TBL1XR1: variants seen among roughly 807,000 people sequenced by gnomAD.
TBL1XR1 encodes F-box-like/WD repeat-containing protein TBL1XR1.
In TBL1XR1, 5 loss-of-function variants were observed where a neutral mutation model predicts 66.9. The ratio of observed to expected loss-of-function variants is 0.07; its 90% CI spans 0.04 to 0.16. The LOEUF (loss-of-function observed/expected upper bound fraction) is 0.16. Among genes scored for constraint, TBL1XR1 ranks in the 10% least tolerant of loss-of-function variants. The pLI, the probability that TBL1XR1 is intolerant of heterozygous loss-of-function variation, is 1.00. For missense variants in TBL1XR1, 238 were observed against 623.2 expected, an observed-to-expected ratio of 0.38 and a Z score of 6.58; for synonymous variants, 210 against 206.0, an observed-to-expected ratio of 1.02 and a Z score of -0.17.
chr3:177,154,316 G>C (rs544418216), intron 1 of TBL1XR1, among the ~76,000 whole-genome samples: 1 of 152,230 alleles, frequency 6.6e-6, no homozygotes, highest in African/African-American at 2.4e-5. Context: ...TGATAAAGTG[G>C]TTAATCCATC....
chr3:177,069,793 A>AAGGGAAGGAAGGGAAGGAAGGGAAGG (rs1553824722), intron 2 of TBL1XR1, among the ~76,000 whole-genome samples: 4 of 92,342 alleles, frequency 4.3e-5, no homozygotes, highest in African/African-American at 1.8e-4. Context: ...AAAAGGAAGG[A>AAGGGAAGGAAGGGAAGGAAGGGAAGG]AAGGAAGGAA....
At chr3:177,137,043 T>C (rs1420594442) in intron 1 of TBL1XR1, among the ~76,000 whole-genome samples, 1 of 152,150 alleles carries the variant, frequency 6.6e-6, no homozygotes, top group African/African-American at 2.4e-5. Context: ...AATATGACAA[T>C]GACTATGCAT....
chr3:177,073,831 G>A (rs1173931620), intron 2 of TBL1XR1, among the ~76,000 whole-genome samples: 2 of 152,088 alleles, frequency 1.3e-5, no homozygotes, highest in Non-Finnish European at 2.9e-5. Context: ...CCTTCTGGTG[G>A]GATTCAGCAC....
chr3:177,122,008 A>T (rs1727032156), intron 1 of TBL1XR1, among the ~76,000 whole-genome samples: 1 of 152,298 alleles, frequency 6.6e-6, no homozygotes, highest in Non-Finnish European at 1.5e-5. Flanking sequence ...ATTTAGGATG[A>T]TCCCAGCATT....
intron 3 of TBL1XR1, among the ~76,000 whole-genome samples, chr3:177,063,585 G>A (rs1004963982): frequency 1.3e-5 from 2 of 152,176 alleles, no homozygotes; most frequent in Non-Finnish European, 2.9e-5. Flanking sequence ...ACAAGTATTT[G>A]AAATTGTTAA....
intron 2 of TBL1XR1, among the ~76,000 whole-genome samples, chr3:177,097,394 ACT>A (rs1005739231): frequency 6.6e-6 from 1 of 152,170 alleles, no homozygotes; most frequent in African/African-American, 2.4e-5. Context: ...AGAGAGAATC[ACT>A]CTGACTTCCA....
At chr3:177,147,345 G>T (rs984444422) in intron 1 of TBL1XR1, among the ~76,000 whole-genome samples, 1 of 152,070 alleles carries the variant, frequency 6.6e-6, no homozygotes, top group Admixed American at 6.5e-5. Flanking sequence ...CACGATGCCC[G>T]ACCAAGTAAA....
At chr3:177,043,464 T>C (rs900649360) in intron 10 of TBL1XR1, among the ~76,000 whole-genome samples, 5 of 152,202 alleles carry the variant, frequency 3.3e-5, no homozygotes, top group Non-Finnish European at 7.4e-5. Flanking sequence ...TATATTAATG[T>C]AGCCATTTCA....
At chr3:177,138,107 T>C (rs1216178596) in intron 1 of TBL1XR1, among the ~76,000 whole-genome samples, 1 of 152,202 alleles carries the variant, frequency 6.6e-6, no homozygotes, top group Non-Finnish European at 1.5e-5. Flanking sequence ...GAAAGGCTTT[T>C]CAAGGCCACA....
intron 1 of TBL1XR1, among the ~76,000 whole-genome samples, chr3:177,111,887 G>A (rs565219564): frequency 3.2e-4 from 48 of 150,938 alleles, no homozygotes; most frequent in African/African-American, 1.1e-3. Flanking sequence ...CTGCCTGTAG[G>A]GTGCCAGTGG....
At chr3:177,031,222 A>T (rs374708347) in intron 14 of TBL1XR1, among the ~76,000 whole-genome samples, 228 of 152,312 alleles carry the variant, frequency 1.5e-3, no homozygotes, top group African/African-American at 5.4e-3. Flanking sequence ...TAAGGCATAT[A>T]TATCATAGTT....
chr3:177,184,965 A>C (rs1335288210), intron 1 of TBL1XR1, among the ~76,000 whole-genome samples: 1 of 152,228 alleles, frequency 6.6e-6, no homozygotes, highest in African/African-American at 2.4e-5. Flanking sequence ...TTAAGAACTG[A>C]CTGAAAAGCA....
intron 1 of TBL1XR1, among the ~76,000 whole-genome samples, chr3:177,177,086 CCAAT>C (rs1277964328): frequency 6.6e-6 from 1 of 152,274 alleles, no homozygotes; most frequent in East Asian, 1.9e-4. Flanking sequence ...AATGCTCTTC[CCAAT>C]CAATCAGTCC....
At chr3:177,105,262 G>A (rs1162358976) in intron 1 of TBL1XR1, among the ~76,000 whole-genome samples, 1 of 152,182 alleles carries the variant, frequency 6.6e-6, no homozygotes, top group Non-Finnish European at 1.5e-5. Flanking sequence ...AAATACGACA[G>A]ATATGACACT....
intron 1 of TBL1XR1, among the ~76,000 whole-genome samples, chr3:177,149,720 G>A (rs1312817539): frequency 6.6e-6 from 1 of 152,074 alleles, no homozygotes; most frequent in African/African-American, 2.4e-5. Flanking sequence ...GGTTGGGGGG[G>A]CCGGAGGGGG....
At chr3:177,145,451 C>T (rs1730133675) in intron 1 of TBL1XR1, among the ~76,000 whole-genome samples, 1 of 151,988 alleles carries the variant, frequency 6.6e-6, no homozygotes, top group Non-Finnish European at 1.5e-5. Flanking sequence ...CATAAGCCAC[C>T]AAGATAGAAA....
rs139382382 is a variant in TBL1XR1, at chr3:177,075,962, C to T, written c.-45-10940G>A. 2.9e-3 allele frequency among the ~76,000 whole-genome samples: 444 copies of T among 151,736 alleles called. 3 individuals carry two copies. Among genetic ancestry groups the T allele is most frequent in the African/African-American group, 0.01 (427 of 41,366 alleles). Reference sequence around the variant, plus strand: ...GGTGTCTTAGTCCATTTGGGGCTACCGGAAAAAAAACAAAAAAACAAAATA... The same window carrying T: ...GGTGTCTTAGTCCATTTGGGGCTACTGGAAAAAAAACAAAAAAACAAAATA... On this transcript the variant is annotated intron_variant, in intron 2 of 15. Coordinates refer to ENST00000457928, the MANE Select transcript of TBL1XR1 (RefSeq NM_024665.7).
chr3:177,055,892 T>C (rs540970189), intron 3 of TBL1XR1, among the ~76,000 whole-genome samples: 7 of 152,332 alleles, frequency 4.6e-5, no homozygotes, highest in African/African-American at 1.7e-4. Context: ...CTAGATACTG[T>C]GTACACACAT....
intron 1 of TBL1XR1, among the ~76,000 whole-genome samples, chr3:177,102,424 T>C (rs1054008086): frequency 3.3e-5 from 5 of 152,202 alleles, no homozygotes; most frequent in African/African-American, 1.2e-4. Flanking sequence ...AGTCAACTCA[T>C]TTACCTATGT....
Sources: allele counts gnomAD v4.1 joint callset (sites outside exome capture counted in the v4.1 genomes callset), GRCh38; gene constraint gnomAD v4.1.1; transcripts MANE v1.5; gene names NCBI Gene and HGNC (gene_info 2026-07-23, HGNC 2026-07-21).